EPSTI1: variants seen among roughly 807,000 people sequenced by gnomAD.
EPSTI1 encodes the protein epithelial-stromal interaction protein 1.
In EPSTI1, 66 loss-of-function variants were observed where a neutral mutation model predicts 49.9. The ratio of observed to expected loss-of-function variants is 1.32; its 90% CI spans 1.08 to 1.62. The LOEUF (loss-of-function observed/expected upper bound fraction) is 1.62, where lower values mean the gene tolerates loss of function less well. EPSTI1 is among the 40% of genes most tolerant of loss of function. The pLI is 0.00. For missense variants in EPSTI1, 394 were observed against 365.5 expected (o/e 1.08, Z -0.64); for synonymous variants, 137 against 130.7 (o/e 1.05, Z -0.33).
chr13:42,980,962 T>C (rs551467842), intron 1 of EPSTI1, among the ~76,000 whole-genome samples: 1 of 152,338 alleles, frequency 6.6e-6, no homozygotes, highest in Non-Finnish European at 1.5e-5. Flanking sequence ...GGCTCAGCTT[T>C]TCTTACAAGA....
chr13:42,981,942 G>GAA (rs35556655), intron 1 of EPSTI1, among the ~76,000 whole-genome samples: 32 of 151,530 alleles, frequency 2.1e-4, no homozygotes, highest in Admixed American at 4.6e-4. Context: ...TCAGAAGTCT[G>GAA]AAAAAAAAAT....
intron 8 of EPSTI1, among the ~76,000 whole-genome samples, chr13:42,905,674 G>A (rs1024358786): frequency 6.6e-6 from 1 of 152,116 alleles, no homozygotes; most frequent in African/African-American, 2.4e-5. Flanking sequence ...ATTGTCACAC[G>A]CCAACCATTT....
rs2038319614 is a variant in EPSTI1, at chr13:42,930,303, T to C, written c.564-3874A>G. Among the ~76,000 whole-genome samples, 5 of 152,356 alleles carry C rather than the reference T, an allele frequency of 3.3e-5. No homozygotes were observed. The South Asian group carries it at 1.0e-3, about 32-fold the overall frequency. On this transcript the variant is annotated intron_variant, in intron 6 of 10. Transcript: ENST00000313624. ...AGGTAAGTAATCATTCGTACATGCA[T>C]GCATGCATTCATGCAGGCAACAAAT...
intron 6 of EPSTI1, among the ~76,000 whole-genome samples, chr13:42,948,424 TG>T (rs1335244090): frequency 0.038 from 5,127 of 134,078 alleles, 261 homozygotes; most frequent in African/African-American, 0.1. Context: ...AGTGGCTTGT[TG>T]TTTTTTTTTT....
chr13:42,921,691 C>G (rs1309226361), intron 7 of EPSTI1, among the ~76,000 whole-genome samples: 1 of 152,132 alleles, frequency 6.6e-6, no homozygotes, highest in Non-Finnish European at 1.5e-5. Flanking sequence ...AGCAGGCTCT[C>G]TGGAGGTGCA....
intron 3 of EPSTI1, among the ~76,000 whole-genome samples, chr13:42,967,828 T>C (rs1338603418): frequency 6.6e-6 from 1 of 152,148 alleles, no homozygotes; most frequent in East Asian, 1.9e-4. Flanking sequence ...CTCCCTCCAC[T>C]TCCCCCTTCA....
At position 42,900,315 on chromosome 13, in the gene EPSTI1, G is replaced by A; in HGVS notation, c.810C>T (p.His270=). 6.2e-7 allele frequency: 1 copy of A among 1,613,456 alleles called. No individual in the cohort carries two copies. The change falls in exon 9 of 11, where the codon CAC becomes CAT. Residue 270 remains histidine, a synonymous_variant. Coordinates refer to ENST00000313624, the MANE Select transcript of EPSTI1 (RefSeq NM_033255.5). ...ATTTTATTAGCCAGTTTTACCTCCT[G>A]TGTTCAGTCTGGTGGATTTTGGCTC... ...QERAKIHQTE[H]RRVNNAFLDR... is the part of the protein sequence containing the mutation.
Position 42,969,167 on chromosome 13 carries a change from C to T in EPSTI1, c.258G>A (p.Gln86=), listed in dbSNP as rs768976022. Residue 86 remains glutamine, a synonymous_variant, in exon 3 of 11, where the codon CAG becomes CAA. Transcript: ENST00000313624. ...RRNEIQRIAE[Q]ELANLEKWKE... ...TCCACTTCTCCAGGTTGGCCAGCTC[C>T]TGCTCCGCAACTAAGCCAGGCGAGA... 1.9e-6 allele frequency: 3 copies of T among 1,614,048 alleles called. No individual in the cohort carries two copies. In the African/African-American group the frequency reaches 4.0e-5, roughly 22 times the overall value.
At chr13:42,932,397 C>T (rs915753783) in intron 6 of EPSTI1, among the ~76,000 whole-genome samples, 2 of 152,146 alleles carry the variant, frequency 1.3e-5, no homozygotes, top group African/African-American at 2.4e-5. Context: ...CGGTCACCAC[C>T]GAGTGTTCCA....
chr13:42,943,470 T>C (rs2038824579), intron 6 of EPSTI1, among the ~76,000 whole-genome samples: 1 of 152,222 alleles, frequency 6.6e-6, no homozygotes, highest in Non-Finnish European at 1.5e-5. Context: ...GCAGTTATTG[T>C]TACCCCCTAC....
At chr13:42,941,281 A>G (rs903625305) in intron 6 of EPSTI1, among the ~76,000 whole-genome samples, 2 of 152,208 alleles carry the variant, frequency 1.3e-5, no homozygotes, top group Admixed American at 6.5e-5. Flanking sequence ...TTATATAAAC[A>G]TGGGTCTACT....
At chr13:42,923,425 G>A (rs2038078261) in intron 7 of EPSTI1, among the ~76,000 whole-genome samples, 1 of 152,142 alleles carries the variant, frequency 6.6e-6, no homozygotes. Context: ...GCTGGGCGTG[G>A]GGGTGCGTGC....
intron 3 of EPSTI1, among the ~76,000 whole-genome samples, chr13:42,964,376 T>C (rs2039547055): frequency 6.6e-6 from 1 of 151,800 alleles, no homozygotes; most frequent in Non-Finnish European, 1.5e-5. Context: ...GCACTTTTAC[T>C]AAGGTTTTTC....
chr13:42,908,656 C>T (rs1263467016), intron 8 of EPSTI1, among the ~76,000 whole-genome samples: 10 of 152,020 alleles, frequency 6.6e-5, no homozygotes, highest in Admixed American at 6.6e-4. Context: ...AAACAATCAG[C>T]AGACTAAAGA....
intron 1 of EPSTI1, 123 bp downstream of exon 1, chr13:42,991,855 A>T: frequency 9.2e-7 from 1 of 1,091,004 alleles, no homozygotes; most frequent in Non-Finnish European, 1.3e-6. Flanking sequence ...ATGAGCTTTC[A>T]TTCAGTCAAA....
intron 5 of EPSTI1, 93 bp downstream of exon 5, chr13:42,963,162 G>A: frequency 4.0e-6 from 4 of 1,001,756 alleles, no homozygotes; most frequent in South Asian, 1.4e-5. Context: ...AGAGAAAGAT[G>A]GATAAATTTT....
intron 6 of EPSTI1, among the ~76,000 whole-genome samples, chr13:42,947,048 A>G (rs1479426507): frequency 6.6e-6 from 1 of 152,202 alleles, no homozygotes; most frequent in Non-Finnish European, 1.5e-5. Flanking sequence ...CACTACTCAC[A>G]GATGTAAGGG....
chr13:42,913,611 T>A (rs1247966332), intron 8 of EPSTI1, among the ~76,000 whole-genome samples: 2 of 152,176 alleles, frequency 1.3e-5, no homozygotes, highest in South Asian at 2.1e-4. Flanking sequence ...TGGGAATAAA[T>A]CCCTGGAGCT....
intron 9 of EPSTI1, among the ~76,000 whole-genome samples, chr13:42,897,884 C>T (rs1463773247): frequency 6.6e-6 from 1 of 152,168 alleles, no homozygotes; most frequent in African/African-American, 2.4e-5. Context: ...TACATACATG[C>T]TACTGCAGTC....
Sources: gnomAD v4.1 joint callset for allele counts (sites outside exome capture counted in the v4.1 genomes callset) on GRCh38, gnomAD v4.1.1 for gene constraint, MANE v1.5 for transcripts, NCBI Gene and HGNC (gene_info 2026-07-23, HGNC 2026-07-21) for gene names.